The following NTRK3 variants were observed in gnomAD, a reference collection of about 807,000 sequenced individuals.
NTRK3 encodes the protein NT-3 growth factor receptor.
Under a neutral mutation model 91.7 loss-of-function variants are expected in NTRK3, and 24 were observed. The observed-to-expected ratio is 0.26, with a 90% CI of 0.19 to 0.37. The LOEUF is 0.37. Among genes scored for constraint, NTRK3 ranks in the 10% least tolerant of loss-of-function variants. NTRK3 has a pLI of 1.00. For missense variants in NTRK3, 880 were observed against 1,068.9 expected (o/e 0.82, Z 2.46); for synonymous variants, 483 against 404.0 (o/e 1.20, Z -2.34).
rs565156663 is a variant in NTRK3 at position 87,905,445 on chromosome 15, G to T, written c.2133+23746C>A. On this transcript the variant is annotated intron_variant, in intron 17 of 18. Coordinates refer to ENST00000394480, the Ensembl canonical transcript of NTRK3. Reference sequence around the variant, plus strand: ...TTACCATATTATGCGTAAAACAACAGGTTACCTATTTGTTTTCTGGGAAAT... The same window carrying T: ...TTACCATATTATGCGTAAAACAACATGTTACCTATTTGTTTTCTGGGAAAT... 1.8e-3 allele frequency among the ~76,000 whole-genome samples: 273 copies of T among 152,140 alleles called. 1 individual carries two copies. Among genetic ancestry groups the T allele is most frequent in the Middle Eastern group, 6.8e-3 (2 of 294 alleles).
At chr15:87,952,411 T>G (rs921076449) in intron 14 of NTRK3, among the ~76,000 whole-genome samples, 2 of 152,188 alleles carry the variant, frequency 1.3e-5, no homozygotes, top group Non-Finnish European at 2.9e-5. Context: ...GAAGCTCTGT[T>G]GGGCTGCTCT....
rs566644339 is a variant in NTRK3, at chr15:88,120,018, C to G, written c.1396+6253G>C. Among the ~76,000 whole-genome samples the G allele has an allele frequency of 6.6e-5, 10 of 152,178 alleles. No individual in the cohort carries two copies. In the East Asian group the frequency reaches 1.2e-3, roughly 18 times the overall value. ...GTTCCAGCTGAGAAAGAAATGCCAA[C>G]CTACAGCATCAAAACTCAGGAGTCC... On this transcript the variant is annotated intron_variant, in intron 13 of 18. Transcript: ENST00000394480.
intron 17 of NTRK3, among the ~76,000 whole-genome samples, chr15:87,918,099 T>A (rs2067583467): frequency 6.6e-6 from 1 of 152,156 alleles, no homozygotes; most frequent in Non-Finnish European, 1.5e-5. Context: ...CAGTTCGTAG[T>A]CCTGAGCCCA....
intron 17 of NTRK3, among the ~76,000 whole-genome samples, chr15:87,902,204 C>A (rs1474539144): frequency 6.6e-6 from 1 of 152,194 alleles, no homozygotes; most frequent in East Asian, 1.9e-4. Flanking sequence ...AAAAAAGAAG[C>A]CAGTCATGGA....
chr15:88,123,415 G>C (rs994068), intron 13 of NTRK3, among the ~76,000 whole-genome samples: 40,579 of 152,132 alleles, frequency 0.27, 5,861 homozygotes, highest in African/African-American at 0.35. Context: ...TTCTGGTACC[G>C]GTGTCATCAC....
chr15:88,114,009 C>G (rs530519533), intron 13 of NTRK3, among the ~76,000 whole-genome samples: 2 of 152,202 alleles, frequency 1.3e-5, no homozygotes, highest in Admixed American at 6.5e-5. Flanking sequence ...ATCAGTACCC[C>G]CCCCACCACC....
chr15:88,170,874 G>A (rs1357789673), intron 5 of NTRK3, among the ~76,000 whole-genome samples: 4 of 152,166 alleles, frequency 2.6e-5, no homozygotes, highest in Non-Finnish European at 5.9e-5. Context: ...GACAGATGCA[G>A]TCCCATCTAG....
At chr15:88,140,829 T>G (rs1432343624) in intron 6 of NTRK3, among the ~76,000 whole-genome samples, 2 of 152,204 alleles carry the variant, frequency 1.3e-5, no homozygotes, top group Non-Finnish European at 2.9e-5. Context: ...ACTTGAGAAC[T>G]GCTGCCTAGT....
At chr15:87,929,948 G>C (rs565331374) in intron 16 of NTRK3, among the ~76,000 whole-genome samples, 1 of 152,304 alleles carries the variant, frequency 6.6e-6, no homozygotes, top group East Asian at 1.9e-4. Flanking sequence ...AACCAGACAT[G>C]TGACTGTAAA....
chr15:88,113,268 T>C (rs968410280), intron 13 of NTRK3, among the ~76,000 whole-genome samples: 4 of 151,558 alleles, frequency 2.6e-5, no homozygotes, highest in African/African-American at 9.7e-5. Context: ...CTTCTTCAAA[T>C]AGAAGGAGCT....
Position 87,952,131 on chromosome 15 carries a change from G to GAAAGA in NTRK3, c.1586-11383_1586-11379dup, listed in dbSNP as rs571140215. Reference sequence around the variant, plus strand: ...AACAGAGCAAGATTCCATTTCAAAAGAAAGAAAAGAAAAGAAAAGAAGGAG... The same window carrying GAAAGA: ...AACAGAGCAAGATTCCATTTCAAAAGAAAGAAAAGAAAAGAAAAGAAAAGAAGGAG... On this transcript the variant is annotated intron_variant, in intron 14 of 18. Coordinates refer to ENST00000394480, the Ensembl canonical transcript of NTRK3. Among the ~76,000 whole-genome samples the GAAAGA allele has an allele frequency of 2.8e-4, 35 of 124,470 alleles. No homozygotes were observed. The East Asian group carries it at 3.3e-3, about 12-fold the overall frequency. The allele number at this position is 124,470 out of a possible 152,430, so 81.7% of individuals were successfully genotyped here. A position where few individuals can be genotyped will look rare whatever the true frequency, so the allele number is the denominator to read the frequency against.
Position 88,020,004 on chromosome 15 carries a change from C to T in NTRK3, c.1585+12853G>A, listed in dbSNP as rs1344273808. 2.0e-5 allele frequency among the ~76,000 whole-genome samples: 3 copies of T among 152,292 alleles called. No individual in the cohort carries two copies. In the East Asian group the frequency reaches 5.8e-4, roughly 29 times the overall value. On this transcript the variant is annotated intron_variant, in intron 14 of 18. Transcript: ENST00000394480. ...AGTTTGCTAAGAAAAAACAAAAGGG[C>T]TGTGCACTCATGTCTAAGGACAAGC...
chr15:88,130,671 T>A (rs2041243796), intron 10 of NTRK3, among the ~76,000 whole-genome samples: 1 of 151,616 alleles, frequency 6.6e-6, no homozygotes, highest in South Asian at 2.1e-4. Flanking sequence ...AATCAGAAAA[T>A]TCCAAATGGA....
chr15:87,861,962 A>G (rs549895867), exon 19 of NTRK3: 29 of 213,864 alleles, frequency 1.4e-4, no homozygotes, highest in African/African-American at 6.3e-4. Context: ...CTCTGTTCTA[A>G]GGGAAAATAA....
chr15:87,957,077 G>A (rs2071746227), intron 14 of NTRK3, among the ~76,000 whole-genome samples: 1 of 152,046 alleles, frequency 6.6e-6, no homozygotes, highest in African/African-American at 2.4e-5. Flanking sequence ...AGACTGTCTG[G>A]GATCAAATCC....
chr15:87,917,011 G>A (rs989954299), intron 17 of NTRK3, among the ~76,000 whole-genome samples: 4 of 152,268 alleles, frequency 2.6e-5, no homozygotes, highest in East Asian at 1.9e-4. Flanking sequence ...TGATCCCCCC[G>A]CCTGGGCCAC....
intron 5 of NTRK3, among the ~76,000 whole-genome samples, chr15:88,174,705 G>T (rs149716496): frequency 1.3e-5 from 2 of 152,182 alleles, no homozygotes; most frequent in Non-Finnish European, 2.9e-5. Context: ...CCATAAGCAG[G>T]CTGTCTGCCA....
At chr15:87,950,382 C>T (rs541508490) in intron 14 of NTRK3, among the ~76,000 whole-genome samples, 3 of 152,294 alleles carry the variant, frequency 2.0e-5, no homozygotes, top group Admixed American at 2.0e-4. Context: ...TAAAACTGAG[C>T]TGCTTCAGGC....
At chr15:88,195,122 C>G (rs2047707849) in intron 3 of NTRK3, among the ~76,000 whole-genome samples, 2 of 152,294 alleles carry the variant, frequency 1.3e-5, no homozygotes, top group Admixed American at 1.3e-4. Flanking sequence ...CGGGGTGAGG[C>G]CAGAGATGTT....
Sources: allele counts gnomAD v4.1 joint callset (sites outside exome capture counted in the v4.1 genomes callset), GRCh38; gene constraint gnomAD v4.1.1; transcripts MANE v1.5; gene names NCBI Gene and HGNC (gene_info 2026-07-23, HGNC 2026-07-21).